LNX1: variants seen among roughly 807,000 people sequenced by gnomAD.
LNX1 encodes ligand of numb-protein X 1, also known as E3 ubiquitin-protein ligase LNX.
A neutral mutation model predicts 68.4 loss-of-function variants in LNX1; 54 were observed. That is an observed-to-expected ratio of 0.79 (90% CI 0.63 to 0.99). LNX1 has a LOEUF of 0.99. Ranked by LOEUF, LNX1 falls within the 50% of genes least tolerant of loss-of-function variation. The pLI, the probability that LNX1 is intolerant of heterozygous loss-of-function variation, is 0.00. For synonymous variants in LNX1, 336 were observed against 350.0 expected (o/e 0.96, Z 0.45); for missense variants, 906 against 926.4 (o/e 0.98, Z 0.29).
At chr4:53,589,193 T>A (rs1291283815) in intron 1 of LNX1, among the ~76,000 whole-genome samples, 2 of 152,172 alleles carry the variant, frequency 1.3e-5, no homozygotes, top group African/African-American at 4.8e-5. Context: ...AGAATCACAT[T>A]TTGTGGGTCT....
At chr4:53,463,290 A>T (rs1250907125) in intron 9 of LNX1, among the ~76,000 whole-genome samples, 1 of 152,128 alleles carries the variant, frequency 6.6e-6, no homozygotes, top group Non-Finnish European at 1.5e-5. Context: ...AGATGTTTAA[A>T]CAAAACACAA....
At chr4:53,504,729 G>T (rs1047616993) in intron 4 of LNX1, among the ~76,000 whole-genome samples, 1 of 152,176 alleles carries the variant, frequency 6.6e-6, no homozygotes, top group African/African-American at 2.4e-5. Flanking sequence ...AATACTCAAA[G>T]GCTATTGTAG....
At chr4:53,535,116 T>G (rs913946156) in intron 2 of LNX1, among the ~76,000 whole-genome samples, 1 of 147,858 alleles carries the variant, frequency 6.8e-6, no homozygotes, top group South Asian at 2.2e-4. Context: ...CAATGTTTTC[T>G]CTCTGCATCA....
Position 53,459,515 on chromosome 4 carries a change from T to C in LNX1, c.*1392A>G, listed in dbSNP as rs1481344225. The C allele has an allele frequency of 6.2e-7, 1 of 1,600,266 alleles. No homozygotes were observed. Among genetic ancestry groups the C allele is most frequent in the Non-Finnish European group, 8.5e-7 (1 of 1,170,866 alleles). On this transcript the variant is annotated 3_prime_UTR_variant, in exon 11 of 11. Transcript: ENST00000263925. ...GATACTATAAATCTTGTTATTTTTC[T>C]GGATAATGTTTAAGAAATTTACCTT... is the stretch of plus-strand genomic sequence containing the variant.
chr4:53,546,227 T>A (rs911304817), intron 2 of LNX1, among the ~76,000 whole-genome samples: 2 of 152,212 alleles, frequency 1.3e-5, no homozygotes, highest in African/African-American at 4.8e-5. Context: ...TAAAAATCCC[T>A]GGAAGAGCAT....
At position 53,460,241 on chromosome 4, in the gene LNX1, T is replaced by C. The variant is rs1300462345; in HGVS notation, c.*666A>G. On this transcript the variant is annotated 3_prime_UTR_variant, in exon 11 of 11. Coordinates refer to ENST00000263925, the MANE Select transcript of LNX1 (RefSeq NM_001126328.3). ...TGAGTTTTTATACAGTTACTAACGA[T>C]TGTGGAAAAAAAGAGCTTTAGCCAT... 5.2e-6 allele frequency: 1 copy of C among 193,158 alleles called. No homozygotes were observed. The highest frequency in any genetic ancestry group is 8.1e-5 in the East Asian group (1 of 12,294). 12.0% of individuals were successfully genotyped at this position (193,158 alleles called of 1,614,324 possible). A position where few individuals can be genotyped will look rare whatever the true frequency, so the allele number is the denominator to read the frequency against.
At chr4:53,567,895 G>T (rs1220372046) in intron 2 of LNX1, among the ~76,000 whole-genome samples, 2 of 152,040 alleles carry the variant, frequency 1.3e-5, no homozygotes, top group African/African-American at 4.8e-5. Context: ...AGAAAATCTA[G>T]AAGAAATGGA....
chr4:53,561,991 G>A (rs1276652446), intron 2 of LNX1, among the ~76,000 whole-genome samples: 3 of 152,090 alleles, frequency 2.0e-5, no homozygotes, highest in Admixed American at 6.5e-5. Flanking sequence ...AACAATTCAC[G>A]TATGTTTTCA....
intron 2 of LNX1, among the ~76,000 whole-genome samples, chr4:53,527,081 A>T (rs1207173870): frequency 6.6e-6 from 1 of 150,982 alleles, no homozygotes; most frequent in Non-Finnish European, 1.5e-5. Flanking sequence ...AACTAGAAGA[A>T]CAAAACCTGA....
intron 2 of LNX1, among the ~76,000 whole-genome samples, chr4:53,552,141 C>T (rs764724392): frequency 6.6e-6 from 1 of 152,170 alleles, no homozygotes; most frequent in African/African-American, 2.4e-5. Flanking sequence ...TTCCTGGCTT[C>T]CTGGGAAGTC....
At chr4:53,622,731 C>T (rs542771596) in intron 1 of LNX1, among the ~76,000 whole-genome samples, 3 of 152,262 alleles carry the variant, frequency 2.0e-5, no homozygotes, top group Non-Finnish European at 2.9e-5. Context: ...TAACACAGTG[C>T]AGTTGCTTGT....
In LNX1 at chr4:53,507,478, T is replaced by C. The variant is rs1373626766; in HGVS notation, c.623-9A>G. On this transcript the variant is annotated splice_polypyrimidine_tract_variant and intron_variant, in intron 3 of 10. Coordinates refer to ENST00000263925, the MANE Select transcript of LNX1 (RefSeq NM_001126328.3). ...TCTCTCAAAGGGCCGTGCTGAGGAA[T>C]AGCGACAGGAGGAACAGTAGTTATG... 3.1e-6 allele frequency: 5 copies of C among 1,613,434 alleles called. No individual in the cohort carries two copies. Among genetic ancestry groups the C allele is most frequent in the Non-Finnish European group, 4.2e-6 (5 of 1,179,422 alleles).
chr4:53,624,074 C>T (rs901664551), intron 1 of LNX1, among the ~76,000 whole-genome samples: 3 of 152,178 alleles, frequency 2.0e-5, no homozygotes, highest in Non-Finnish European at 4.4e-5. Context: ...CCCTCCATGA[C>T]TCCTTTTCTT....
At chr4:53,618,947 T>C (rs1733773960), upstream of LNX1, among the ~76,000 whole-genome samples, 1 of 152,136 alleles carries the variant, frequency 6.6e-6, no homozygotes, top group African/African-American at 2.4e-5. Context: ...ATACAGGGTC[T>C]TGCTATGTTA....
chr4:53,511,200 C>G (rs772193941), intron 2 of LNX1, among the ~76,000 whole-genome samples: 6 of 152,174 alleles, frequency 3.9e-5, no homozygotes, highest in Non-Finnish European at 8.8e-5. Context: ...TTAGCTTTCT[C>G]CAGTCTCTTG....
At chr4:53,596,996 T>C (rs1326300774) in intron 2 of LNX1, among the ~76,000 whole-genome samples, 1 of 152,206 alleles carries the variant, frequency 6.6e-6, no homozygotes, top group Non-Finnish European at 1.5e-5. Context: ...GTCTGGTTCC[T>C]GGACTCCGGG....
chr4:53,461,609 A>G lies in LNX1; in HGVS notation c.1893-16T>C. 1 of 1,593,496 alleles carries G rather than the reference A, an allele frequency of 6.3e-7. No individual in the cohort carries two copies. The highest frequency in any genetic ancestry group is 8.6e-7 in the Non-Finnish European group (1 of 1,163,898). ...ATACAAGCACCTGAAATAGAATGTA[A>G]TCAGTGTACATGCATATTTAAGTTT... On this transcript the variant is annotated splice_polypyrimidine_tract_variant and intron_variant, in intron 9 of 10. Transcript: ENST00000263925.
intron 2 of LNX1, among the ~76,000 whole-genome samples, chr4:53,539,838 T>C (rs888407511): frequency 6.6e-6 from 1 of 152,202 alleles, no homozygotes; most frequent in African/African-American, 2.4e-5. Context: ...AATGGTTTCT[T>C]GTAATCTGCT....
intron 9 of LNX1, among the ~76,000 whole-genome samples, chr4:53,468,455 A>T (rs1475677256): frequency 6.6e-6 from 1 of 152,178 alleles, no homozygotes; most frequent in Non-Finnish European, 1.5e-5. Context: ...GCTAACCAGC[A>T]AACATCATAA....
Sources: gnomAD v4.1 joint callset for allele counts (sites outside exome capture counted in the v4.1 genomes callset) on GRCh38, gnomAD v4.1.1 for gene constraint, MANE v1.5 for transcripts, NCBI Gene and HGNC (gene_info 2026-07-23, HGNC 2026-07-21) for gene names.